Variants in MARCHF5 observed in about 807,000 individuals in gnomAD.
MARCHF5 encodes the protein membrane associated ring-CH-type finger 5.
MARCHF5 carries 5 observed loss-of-function variants against 36.5 expected under a neutral mutation model. The ratio of observed to expected loss-of-function variants is 0.14; its 90% CI spans 0.07 to 0.29. The LOEUF (loss-of-function observed/expected upper bound fraction) is 0.29, where lower values mean the gene tolerates loss of function less well. Among genes scored for constraint, MARCHF5 ranks in the 10% least tolerant of loss-of-function variants. The pLI, the probability that MARCHF5 is intolerant of heterozygous loss-of-function variation, is 1.00. For missense variants in MARCHF5, 179 were observed against 336.3 expected, an observed-to-expected ratio of 0.53 and a Z score of 3.66; for synonymous variants, 103 against 109.9, an observed-to-expected ratio of 0.94 and a Z score of 0.39.
At chr10:92,297,827 A>C (rs189989743) in intron 1 of MARCHF5, among the ~76,000 whole-genome samples, 31 of 151,934 alleles carry the variant, frequency 2.0e-4, no homozygotes, top group African/African-American at 4.8e-4. Flanking sequence ...TATGACATTT[A>C]GATTCTTATT....
chr10:92,318,332 G>C (rs1357016536), intron 2 of MARCHF5, among the ~76,000 whole-genome samples: 1 of 151,458 alleles, frequency 6.6e-6, no homozygotes, highest in African/African-American at 2.4e-5. Flanking sequence ...AGGCTGAGGC[G>C]CTAGAATCAC....
chr10:92,325,479 G>C (rs1203881774), intron 2 of MARCHF5, among the ~76,000 whole-genome samples: 6 of 152,178 alleles, frequency 3.9e-5, no homozygotes, highest in Non-Finnish European at 8.8e-5. Flanking sequence ...GTTAGGTCAA[G>C]TGCACATATT....
At chr10:92,301,518 T>C (rs1179538587) in intron 1 of MARCHF5, among the ~76,000 whole-genome samples, 1 of 152,216 alleles carries the variant, frequency 6.6e-6, no homozygotes, top group Non-Finnish European at 1.5e-5. Flanking sequence ...TCTGGGCTTT[T>C]GGTTCTTGTT....
intron 1 of MARCHF5, among the ~76,000 whole-genome samples, chr10:92,296,028 A>G (rs550047997): frequency 5.9e-5 from 9 of 152,040 alleles, no homozygotes; most frequent in African/African-American, 2.2e-4. Context: ...GGCATGTGCC[A>G]CCACGCCTGG....
chr10:92,301,584 G>A (rs908618892), intron 1 of MARCHF5, among the ~76,000 whole-genome samples: 6 of 152,174 alleles, frequency 3.9e-5, no homozygotes, highest in African/African-American at 1.2e-4. Flanking sequence ...CAAAAGGCAC[G>A]GCATGAATAT....
At chr10:92,328,816 TA>T (rs1161716329) in intron 2 of MARCHF5, among the ~76,000 whole-genome samples, 2,058 of 71,388 alleles carry the variant, frequency 0.029, 40 homozygotes, top group African/African-American at 0.066. Flanking sequence ...TATATATATA[TA>T]TATATTTTTT....
chr10:92,331,510 T>C (rs1590661825), intron 2 of MARCHF5, among the ~76,000 whole-genome samples: 1 of 152,142 alleles, frequency 6.6e-6, no homozygotes, highest in African/African-American at 2.4e-5. Context: ...TAATTTTGCA[T>C]TGGAAGTTTT....
chr10:92,328,227 T>C (rs1843389768), intron 2 of MARCHF5, among the ~76,000 whole-genome samples: 3 of 151,204 alleles, frequency 2.0e-5, no homozygotes, highest in South Asian at 2.1e-4. Context: ...TCCAGAATCT[T>C]ATCCAAGATA....
intron 2 of MARCHF5, among the ~76,000 whole-genome samples, chr10:92,333,289 G>A (rs1165531129): frequency 6.6e-6 from 1 of 150,750 alleles, no homozygotes; most frequent in African/African-American, 2.4e-5. Context: ...ACTGGCCACA[G>A]AGTACTGTGG....
At chr10:92,330,000 G>A (rs1340693408) in intron 2 of MARCHF5, among the ~76,000 whole-genome samples, 2 of 152,084 alleles carry the variant, frequency 1.3e-5, no homozygotes, top group African/African-American at 4.8e-5. Context: ...CTACCACCAC[G>A]CCCAACTAAC....
chr10:92,329,519 C>G (rs1363806030), intron 2 of MARCHF5, among the ~76,000 whole-genome samples: 1 of 152,082 alleles, frequency 6.6e-6, no homozygotes, highest in Admixed American at 6.6e-5. Context: ...AAAATACTCC[C>G]CATTGTTTTT....
chr10:92,351,249 A>G lies in MARCHF5; in HGVS notation c.*42A>G. ...TTCTGCAGTTCTCTCATCCTTATGA[A>G]TCTGTTGTGTTGTTTTGATTCCATC... On this transcript the variant is annotated 3_prime_UTR_variant, in exon 6 of 6. Transcript: ENST00000358935. 1 of 1,222,424 alleles carries G rather than the reference A, an allele frequency of 8.2e-7. No individual in the cohort carries two copies. Among genetic ancestry groups the G allele is most frequent in the Non-Finnish European group, 1.2e-6 (1 of 829,994 alleles). The allele number at this position is 1,222,424 out of a possible 1,614,324, so 75.7% of individuals were successfully genotyped here.
rs1443472626 is a variant in MARCHF5 at position 92,291,543 on chromosome 10, T to TG, written c.35+21dup. The TG allele has an allele frequency of 3.6e-5, 55 of 1,534,840 alleles. No homozygotes were observed. The highest frequency in any genetic ancestry group is 4.3e-5 in the Non-Finnish European group (49 of 1,138,966). On this transcript the variant is annotated intron_variant, in intron 1 of 5. Transcript: ENST00000358935. ...GATGCTGGACAGGTACGGGCAGCTGTGGGGGGGACCGGGAGCCGCCGACCC... is the reference window on the plus strand; with the variant it reads ...GATGCTGGACAGGTACGGGCAGCTGTGGGGGGGGACCGGGAGCCGCCGACCC...
intron 1 of MARCHF5, among the ~76,000 whole-genome samples, chr10:92,304,314 TTTTTAAGCA>T (rs1388945848): frequency 6.6e-6 from 1 of 152,232 alleles, no homozygotes; most frequent in African/African-American, 2.4e-5. Context: ...TGCTAGGCAA[TTTTTAAGCA>T]GTTTCTTAAT....
chr10:92,309,142 A>C (rs912841840), intron 1 of MARCHF5, among the ~76,000 whole-genome samples: 24 of 152,390 alleles, frequency 1.6e-4, no homozygotes, highest in South Asian at 6.2e-4. Flanking sequence ...CAAATATAGC[A>C]GAATAAGAAT....
At chr10:92,318,426 CAAAAA>C (rs397845333) in intron 2 of MARCHF5, among the ~76,000 whole-genome samples, 1 of 124,624 alleles carries the variant, frequency 8.0e-6, no homozygotes. Flanking sequence ...GACCCTGTCT[CAAAAA>C]AAAAAAAAAA....
In MARCHF5 at chr10:92,321,532, TG is replaced by T. The variant is rs559005810; in HGVS notation, c.238+10196del. 2.5e-4 allele frequency among the ~76,000 whole-genome samples: 38 copies of T among 152,204 alleles called. 2 individuals carry two copies. The South Asian group carries it at 7.9e-3, about 32-fold the overall frequency. ...AATGGGTATTGGTCTGTAGTTCTTT[TG>T]TGACATCTTTGGTTTTGGTGCTGGA... On this transcript the variant is annotated intron_variant, in intron 2 of 5. Transcript: ENST00000358935.
rs1391222897 is a variant in MARCHF5, at chr10:92,324,225, T to G, written c.238+12888T>G. Among the ~76,000 whole-genome samples, 4 of 152,238 alleles carry G rather than the reference T, an allele frequency of 2.6e-5. No individual in the cohort carries two copies. In the East Asian group the frequency reaches 7.7e-4, roughly 29 times the overall value. ...ACACTTTAAAATCAGAGTGATAGTT[T>G]TCTCATTGTTGACCTTTAAGAGTTC... is the stretch of plus-strand genomic sequence containing the variant. On this transcript the variant is annotated intron_variant, in intron 2 of 5. Coordinates refer to ENST00000358935, the MANE Select transcript of MARCHF5 (RefSeq NM_017824.5).
At chr10:92,301,384 T>G (rs1212784843) in intron 1 of MARCHF5, among the ~76,000 whole-genome samples, 1 of 152,244 alleles carries the variant, frequency 6.6e-6, no homozygotes, top group East Asian at 1.9e-4. Context: ...TGAATTTTTC[T>G]CTGAATACAC....
Sources: gnomAD v4.1 joint callset for allele counts (sites outside exome capture counted in the v4.1 genomes callset) on GRCh38, gnomAD v4.1.1 for gene constraint, MANE v1.5 for transcripts, NCBI Gene and HGNC (gene_info 2026-07-23, HGNC 2026-07-21) for gene names.